The following ICAM2 variants were observed in gnomAD, a reference collection of about 807,000 sequenced individuals.
ICAM2 encodes the protein intercellular adhesion molecule 2.
ICAM2 carries 14 observed loss-of-function variants against 19.1 expected under a neutral mutation model. The ratio of observed to expected loss-of-function variants is 0.73; its 90% confidence interval spans 0.48 to 1.15. The LOEUF is 1.15. Among genes scored for constraint, ICAM2 ranks in the 50% most tolerant of loss-of-function variants. ICAM2 has a pLI of 0.00. For missense variants in ICAM2, 311 were observed against 355.4 expected (o/e 0.88, Z 1.00); for synonymous variants, 153 against 152.7 (o/e 1.00, Z -0.01).
intron 1 of ICAM2, among the ~76,000 whole-genome samples, chr17:64,013,431 G>A (rs150085537): frequency 2.0e-5 from 3 of 152,122 alleles, no homozygotes; most frequent in Admixed American, 1.3e-4. Context: ...AACCCAGGAG[G>A]TGGAGGTTGC....
At chr17:64,005,052 G>A (rs764435550) in intron 3 of ICAM2, 55 bp downstream of exon 3, 1 of 1,599,094 alleles carries the variant, frequency 6.3e-7, no homozygotes, top group Non-Finnish European at 8.6e-7. Flanking sequence ...TGTGCATTCA[G>A]TAGACACAGC....
At chr17:64,011,169 G>A (rs2143219982) in intron 1 of ICAM2, among the ~76,000 whole-genome samples, 1 of 152,286 alleles carries the variant, frequency 6.6e-6, no homozygotes, top group South Asian at 2.1e-4. Context: ...CTCAAAAGAA[G>A]ACATACAAAT....
chr17:64,004,943 A>G, intron 3 of ICAM2, 164 bp downstream of exon 3: 1 of 770,474 alleles, frequency 1.3e-6, no homozygotes, highest in East Asian at 2.7e-5. Flanking sequence ...AAGGCATCCA[A>G]CCAAGGGCTG....
chr17:64,014,376 A>AAAGAAAGAAAGAAAGAAAGAAAGG (rs1567849318), intron 1 of ICAM2, among the ~76,000 whole-genome samples: 3 of 55,342 alleles, frequency 5.4e-5, no homozygotes, highest in African/African-American at 1.8e-4. Context: ...AGAAAGAAAG[A>AAAGAAAGAAAGAAAGAAAGAAAGG]AAGGAAGGAA....
chr17:64,009,360 C>T (rs946069980), intron 1 of ICAM2, among the ~76,000 whole-genome samples: 1 of 151,826 alleles, frequency 6.6e-6, no homozygotes, highest in African/African-American at 2.4e-5. Context: ...CTCTGCTTCC[C>T]AAGTCCACAA....
chr17:64,014,406 A>AG lies in ICAM2; in HGVS notation c.-45+6116dup, dbSNP rs1567849414. Among the ~76,000 whole-genome samples, 25 of 48,362 alleles carry AG rather than the reference A, an allele frequency of 5.2e-4. 2 individuals carry two copies. In the East Asian group the frequency reaches 0.018, roughly 34 times the overall value. 31.7% of individuals were successfully genotyped at this position (48,362 alleles called of 152,430 possible). A position where few individuals can be genotyped will look rare whatever the true frequency, so the allele number is the denominator to read the frequency against. ...AAGGAAGGAAGGAAGGAAGGAAGGA[A>AG]GAGAAAGAGAAAGAAAGGAAGGAAG... On this transcript the variant is annotated intron_variant, in intron 1 of 4. Transcript: ENST00000579788.
At chr17:64,003,003 C>A in intron 4 of ICAM2, 78 bp from the exon 5 acceptor site, 10 of 1,399,816 alleles carry the variant, frequency 7.1e-6, no homozygotes, top group Non-Finnish European at 8.8e-6. Flanking sequence ...GGAAGTCCAC[C>A]CCCAACCCAG....
intron 1 of ICAM2, among the ~76,000 whole-genome samples, chr17:64,007,571 T>C (rs1433938162): frequency 1.3e-5 from 2 of 152,048 alleles, no homozygotes; most frequent in Non-Finnish European, 2.9e-5. Context: ...CCTCACTCAG[T>C]TTTCAACCTA....
At chr17:64,010,751 C>G (rs898138376) in intron 1 of ICAM2, among the ~76,000 whole-genome samples, 3 of 152,034 alleles carry the variant, frequency 2.0e-5, no homozygotes, top group Admixed American at 2.0e-4. Flanking sequence ...GTACACAACT[C>G]CAAACAAATA....
chr17:64,013,266 C>A (rs923233051), intron 1 of ICAM2, among the ~76,000 whole-genome samples: 2 of 152,068 alleles, frequency 1.3e-5, no homozygotes, highest in Non-Finnish European at 2.9e-5. Context: ...GAGTTGAGAT[C>A]GCACCACTGC....
At chr17:64,003,299 G>A (rs1489086992) in intron 4 of ICAM2, 9 of 425,714 alleles carry the variant, frequency 2.1e-5, no homozygotes, top group East Asian at 9.1e-5. Context: ...CCTGTGTGCC[G>A]GCCGTCCAGG....
chr17:64,015,457 G>T lies in ICAM2; in HGVS notation c.-45+5066C>A, dbSNP rs1312348138. 5.9e-5 allele frequency among the ~76,000 whole-genome samples: 9 copies of T among 152,280 alleles called. No homozygotes were observed. The South Asian group carries it at 1.9e-3, about 32-fold the overall frequency. Reference sequence around the variant, plus strand: ...TCAGGGCCGGGCATAGTGGCTCACAGGTAATTCCAAGAAAGTGCTTACGGC... The same window carrying T: ...TCAGGGCCGGGCATAGTGGCTCACATGTAATTCCAAGAAAGTGCTTACGGC... On this transcript the variant is annotated intron_variant, in intron 1 of 4. Coordinates refer to ENST00000579788, the MANE Select transcript of ICAM2 (RefSeq NM_001099789.2).
intron 4 of ICAM2, 49 bp from the exon 5 acceptor site, chr17:64,002,974 C>T (rs1220846736): frequency 1.3e-6 from 2 of 1,563,558 alleles, no homozygotes; most frequent in Non-Finnish European, 1.7e-6. Flanking sequence ...ATCCCAGTTA[C>T]CAGGGACCAA....
At chr17:64,017,532 T>A (rs539950910) in intron 1 of ICAM2, among the ~76,000 whole-genome samples, 11 of 152,310 alleles carry the variant, frequency 7.2e-5, no homozygotes, top group African/African-American at 2.4e-4. Context: ...CTGTAACTGA[T>A]CTATAGGGTC....
intron 1 of ICAM2, among the ~76,000 whole-genome samples, chr17:64,012,389 G>A (rs556945410): frequency 6.6e-6 from 1 of 152,188 alleles, no homozygotes; most frequent in Non-Finnish European, 1.5e-5. Context: ...CTTGAGGTCA[G>A]GAGTTCGAGA....
chr17:64,014,627 GAA>G (rs1911621923), intron 1 of ICAM2, among the ~76,000 whole-genome samples: 1 of 140,900 alleles, frequency 7.1e-6, no homozygotes, highest in Admixed American at 7.1e-5. Flanking sequence ...GAGAGAGAGA[GAA>G]AGAAAGAAAG....
intron 2 of ICAM2, 111 bp from the exon 3 acceptor site, chr17:64,005,484 G>C: frequency 8.1e-7 from 1 of 1,229,828 alleles, no homozygotes; most frequent in East Asian, 2.4e-5. Context: ...AAGAGGAAAG[G>C]TCATTGGGGA....
At chr17:64,007,979 C>T (rs1911289622) in intron 1 of ICAM2, among the ~76,000 whole-genome samples, 1 of 152,172 alleles carries the variant, frequency 6.6e-6, no homozygotes, top group South Asian at 2.1e-4. Flanking sequence ...CTTGCTTTCT[C>T]AGGGGAACCC....
Position 64,020,550 on chromosome 17 carries a change from TG to T in ICAM2, c.-73del, listed in dbSNP as rs1175401868. ...CTGTGGGCTCCAAGAAGGGTAGCTC[TG>T]GGATCCCGGGCAGGAAATTGGTGAC... On this transcript the variant is annotated 5_prime_UTR_variant, in exon 1 of 5. Coordinates refer to ENST00000579788, the MANE Select transcript of ICAM2 (RefSeq NM_001099789.2). 1 of 152,152 alleles carries T rather than the reference TG, an allele frequency of 6.6e-6. No homozygotes were observed. The highest frequency in any genetic ancestry group is 2.4e-5 in the African/African-American group (1 of 41,418). The allele number at this position is 152,152 out of a possible 1,614,324, so 9.4% of individuals were successfully genotyped here.
Sources: gnomAD v4.1 joint callset for allele counts (sites outside exome capture counted in the v4.1 genomes callset) on GRCh38, gnomAD v4.1.1 for gene constraint, MANE v1.5 for transcripts, NCBI Gene and HGNC (gene_info 2026-07-23, HGNC 2026-07-21) for gene names.